Variants in SAMD5 observed in about 807,000 individuals in gnomAD.
SAMD5 encodes the protein sterile alpha motif domain containing 5, also known as sterile alpha motif domain-containing protein 5.
SAMD5 carries 13 observed loss-of-function variants against 11.3 expected under a neutral mutation model. The observed-to-expected ratio is 1.15, with a 90% CI of 0.75 to 1.83. The LOEUF (loss-of-function observed/expected upper bound fraction) is 1.83. Among genes scored for constraint, SAMD5 ranks in the 40% most tolerant of loss-of-function variants. The pLI, the probability that SAMD5 is intolerant of heterozygous loss-of-function variation, is 0.00. For missense variants in SAMD5, 255 were observed against 239.1 expected (o/e 1.07, Z -0.44); for synonymous variants, 129 against 111.3 (o/e 1.16, Z -1.00).
the SAMD5 span, among the ~76,000 whole-genome samples, chr6:147,832,376 T>C: frequency 6.6e-6 from 1 of 152,208 alleles, no homozygotes; most frequent in Non-Finnish European, 1.5e-5. Flanking sequence ...ATAAAAACGA[T>C]GTGAATTTCC....
chr6:147,691,298 G>A (rs1194900983), intron 1 of SAMD5, among the ~76,000 whole-genome samples: 1 of 152,060 alleles, frequency 6.6e-6, no homozygotes, highest in Non-Finnish European at 1.5e-5. Context: ...CCAGCCTTAG[G>A]TATCTATTAT....
intron 1 of SAMD5, among the ~76,000 whole-genome samples, chr6:147,606,970 A>AAAG (rs796106612): frequency 0.015 from 2,294 of 151,382 alleles, 70 homozygotes; most frequent in African/African-American, 0.052. Context: ...ATCCAAAAAA[A>AAAG]AAAAAAAACA....
At chr6:147,807,257 G>A in the SAMD5 span, among the ~76,000 whole-genome samples, 1,875 of 152,004 alleles carry the variant, frequency 0.012, 47 homozygotes, top group African/African-American at 0.042. Context: ...TTGCCACCAC[G>A]CCTGGCTAAT....
At chr6:147,776,574 G>A in the SAMD5 span, among the ~76,000 whole-genome samples, 3 of 152,084 alleles carry the variant, frequency 2.0e-5, no homozygotes, top group Non-Finnish European at 2.9e-5. Flanking sequence ...TTATTCTGTG[G>A]GTTGCTGTCC....
chr6:147,765,193 T>TG, the SAMD5 span, among the ~76,000 whole-genome samples: 91 of 152,144 alleles, frequency 6.0e-4, no homozygotes, highest in African/African-American at 2.1e-3. Flanking sequence ...TTGGAAATCT[T>TG]GTTTTATTTT....
chr6:147,646,026 G>GTATC (rs200304460), intron 1 of SAMD5, among the ~76,000 whole-genome samples: 4,529 of 52,182 alleles, frequency 0.087, 110 homozygotes, highest in Middle Eastern at 0.15. Context: ...ATCTATCTAT[G>GTATC]TATCTATCTA....
At chr6:147,683,375 G>A (rs546691288) in intron 1 of SAMD5, among the ~76,000 whole-genome samples, 2 of 152,250 alleles carry the variant, frequency 1.3e-5, no homozygotes, top group East Asian at 3.9e-4. Flanking sequence ...AATTATTGAG[G>A]ACTCTAAAGA....
At chr6:147,762,012 CT>C in the SAMD5 span, among the ~76,000 whole-genome samples, 1 of 151,938 alleles carries the variant, frequency 6.6e-6, no homozygotes, top group Non-Finnish European at 1.5e-5. Flanking sequence ...CACGCCTGGC[CT>C]TTTTTTACAT....
chr6:147,791,195 T>C, the SAMD5 span, among the ~76,000 whole-genome samples: 1 of 152,072 alleles, frequency 6.6e-6, no homozygotes, highest in African/African-American at 2.4e-5. Flanking sequence ...CTTGACAGGC[T>C]GAGGCAGGAA....
intron 1 of SAMD5, among the ~76,000 whole-genome samples, chr6:147,539,243 T>C (rs1788561486): frequency 6.7e-6 from 1 of 149,336 alleles, no homozygotes. Context: ...GCATGGCAAC[T>C]CAAAGCCCAT....
chr6:147,868,249 G>A, the SAMD5 span, among the ~76,000 whole-genome samples: 9 of 152,298 alleles, frequency 5.9e-5, no homozygotes, highest in East Asian at 1.7e-3. Flanking sequence ...TATAAATTTA[G>A]TTTGAGGTCA....
intron 1 of SAMD5, among the ~76,000 whole-genome samples, chr6:147,563,026 C>T (rs984050339): frequency 2.0e-5 from 3 of 152,106 alleles, no homozygotes; most frequent in Non-Finnish European, 4.4e-5. Flanking sequence ...TTGCATATGG[C>T]TTTATTTTGG....
rs993678704 is a variant in SAMD5 at position 147,509,015 on chromosome 6, C to T, written c.87C>T (p.Asp29=). 3 of 1,607,860 alleles carry T rather than the reference C, an allele frequency of 1.9e-6. No individual in the cohort carries two copies. The highest frequency in any genetic ancestry group is 3.3e-4 in the Middle Eastern group (2 of 6,050). ...CCTTCGTGGATAACGGCTACGATGA[C>T]CTGGAGGTGTGCAAGCAGATCGGGG... is the stretch of plus-strand genomic sequence containing the variant. ...AESFVDNGYD[D]LEVCKQIGDP... Residue 29 remains aspartate (D), a synonymous_variant, in exon 1 of 2, where the codon GAC becomes GAT. Transcript: ENST00000367474.
chr6:147,583,550 T>A (rs973773493), intron 1 of SAMD5, among the ~76,000 whole-genome samples: 23 of 152,184 alleles, frequency 1.5e-4, no homozygotes, highest in African/African-American at 5.5e-4. Context: ...ACACAATCCA[T>A]ATATTTAGCT....
rs192731977 is a variant in SAMD5 at position 147,670,572 on chromosome 6, A to G, written c.163-66745A>G. 1.1e-3 allele frequency among the ~76,000 whole-genome samples: 161 copies of G among 152,302 alleles called. 1 individual carries two copies. The highest frequency in any genetic ancestry group is 3.7e-3 in the African/African-American group (153 of 41,576). On this transcript the variant is annotated intron_variant, in intron 1 of 1. Transcript: ENST00000566741. ...CTGAATAACTTGCTGCAGCTTTTCT[A>G]TCAGCACTTCCTGCTTCACCTTGCA...
the SAMD5 span, among the ~76,000 whole-genome samples, chr6:147,928,938 G>A: frequency 6.6e-6 from 1 of 151,218 alleles, no homozygotes; most frequent in East Asian, 1.9e-4. Context: ...TCATTCAGGA[G>A]CATGTTGTTT....
At chr6:147,809,248 A>G in the SAMD5 span, among the ~76,000 whole-genome samples, 2 of 152,224 alleles carry the variant, frequency 1.3e-5, no homozygotes, top group South Asian at 4.1e-4. Context: ...TAAAAATATC[A>G]GTGCTTTTCC....
At position 147,673,039 on chromosome 6, in the gene SAMD5, A is replaced by G. The variant is rs376234905; in HGVS notation, c.163-64278A>G. ...GCTACTCTTACCTTTTTCTTGTGTT[A>G]TTTTGTTGGCTAGAACTTCTAGAAT... On this transcript the variant is annotated intron_variant, in intron 1 of 1. Transcript: ENST00000566741. Among the ~76,000 whole-genome samples the G allele has an allele frequency of 5.6e-4, 85 of 151,988 alleles. 1 individual carries two copies. The highest frequency in any genetic ancestry group is 1.9e-3 in the African/African-American group (80 of 41,466).
chr6:147,892,129 C>G, the SAMD5 span, among the ~76,000 whole-genome samples: 23 of 152,324 alleles, frequency 1.5e-4, 1 homozygote, highest in African/African-American at 5.5e-4. Flanking sequence ...CTCTCCCTCT[C>G]TTCCTGTCTC....
Sources: gnomAD v4.1 joint callset for allele counts (sites outside exome capture counted in the v4.1 genomes callset) on GRCh38, gnomAD v4.1.1 for gene constraint, MANE v1.5 for transcripts, NCBI Gene and HGNC (gene_info 2026-07-23, HGNC 2026-07-21) for gene names.